Variants in TAFA2 observed in about 807,000 individuals in gnomAD.
The protein encoded by TAFA2 is TAFA chemokine like family member 2.
In TAFA2, 7 loss-of-function variants were observed where a neutral mutation model predicts 18.8. That is an observed-to-expected ratio of 0.37 (90% confidence interval 0.21 to 0.70). TAFA2 has a LOEUF of 0.70. Among genes scored for constraint, TAFA2 ranks in the 30% least tolerant of loss-of-function variants. The pLI is 0.53. For missense variants in TAFA2, 122 were observed against 158.1 expected (o/e 0.77, Z 1.23); for synonymous variants, 60 against 54.2 (o/e 1.11, Z -0.47).
chr12:61,971,455 T>A (rs1879244891), intron 1 of TAFA2, among the ~76,000 whole-genome samples: 1 of 151,452 alleles, frequency 6.6e-6, no homozygotes, highest in Admixed American at 6.6e-5. Context: ...ATCTGCACGT[T>A]GTGCACACGT....
chr12:61,823,090 C>A (rs996559957), intron 2 of TAFA2, among the ~76,000 whole-genome samples: 15 of 152,140 alleles, frequency 9.9e-5, no homozygotes, highest in Non-Finnish European at 1.2e-4. Context: ...TAAAAAATCT[C>A]ATTTAGAAAC....
intron 1 of TAFA2, among the ~76,000 whole-genome samples, chr12:61,948,328 T>C (rs553023948): frequency 2.6e-5 from 4 of 152,308 alleles, no homozygotes; most frequent in East Asian, 1.9e-4. Flanking sequence ...AGGTAGTCCC[T>C]AACATTTGAG....
chr12:61,919,114 G>A (rs749033161), intron 1 of TAFA2, among the ~76,000 whole-genome samples: 7 of 152,128 alleles, frequency 4.6e-5, no homozygotes, highest in African/African-American at 9.7e-5. Context: ...ACAATGTACT[G>A]ATTTCAACTT....
intron 2 of TAFA2, among the ~76,000 whole-genome samples, chr12:61,800,554 T>A (rs1202105838): frequency 6.6e-6 from 1 of 152,158 alleles, no homozygotes; most frequent in Non-Finnish European, 1.5e-5. Context: ...AATCAGGAAG[T>A]GATTTGCTAC....
intron 2 of TAFA2, among the ~76,000 whole-genome samples, chr12:61,843,472 G>A (rs1368547042): frequency 2.0e-5 from 3 of 152,082 alleles, no homozygotes. Context: ...ACTTAGGATA[G>A]TAATCTGTAA....
intron 1 of TAFA2, among the ~76,000 whole-genome samples, chr12:61,915,880 A>G (rs1036235418): frequency 1.3e-5 from 2 of 152,190 alleles, no homozygotes; most frequent in Non-Finnish European, 2.9e-5. Flanking sequence ...TACCAATCCC[A>G]ATTCTAATCT....
intron 1 of TAFA2, among the ~76,000 whole-genome samples, chr12:62,127,596 G>C (rs937244342): frequency 6.6e-6 from 1 of 151,850 alleles, no homozygotes; most frequent in African/African-American, 2.4e-5. Flanking sequence ...GTCATTAATG[G>C]GGGATGGACG....
At chr12:61,973,809 A>C (rs1367916875) in intron 1 of TAFA2, among the ~76,000 whole-genome samples, 1 of 151,742 alleles carries the variant, frequency 6.6e-6, no homozygotes, top group Non-Finnish European at 1.5e-5. Context: ...AAGACTGGTT[A>C]AATTGTAATC....
At chr12:62,199,395 T>C (rs1002139622) in intron 1 of TAFA2, among the ~76,000 whole-genome samples, 3 of 152,112 alleles carry the variant, frequency 2.0e-5, no homozygotes, top group Non-Finnish European at 4.4e-5. Flanking sequence ...GTGTGTGTTG[T>C]TTCCCTCCCT....
chr12:61,818,698 CATG>C (rs1872196880), intron 2 of TAFA2, among the ~76,000 whole-genome samples: 1 of 152,130 alleles, frequency 6.6e-6, no homozygotes, highest in African/African-American at 2.4e-5. Context: ...CAAAGGAACA[CATG>C]ATAGTCTTAA....
At chr12:62,128,028 A>G (rs1367900228) in intron 1 of TAFA2, among the ~76,000 whole-genome samples, 1 of 152,040 alleles carries the variant, frequency 6.6e-6, no homozygotes, top group Non-Finnish European at 1.5e-5. Context: ...AGGCAAGAAA[A>G]AAAATGGGTA....
chr12:62,086,031 G>C (rs1443105719), intron 1 of TAFA2, among the ~76,000 whole-genome samples: 1 of 152,070 alleles, frequency 6.6e-6, no homozygotes, highest in Non-Finnish European at 1.5e-5. Context: ...ATGATTGTAA[G>C]TTTCCTGAGG....
intron 1 of TAFA2, among the ~76,000 whole-genome samples, chr12:62,237,278 C>A (rs371204033): frequency 3.3e-5 from 5 of 152,116 alleles, no homozygotes; most frequent in Non-Finnish European, 7.4e-5. Context: ...GAGGCCGAGG[C>A]GGGCAGATCA....
At chr12:61,874,152 T>A (rs535087737) in intron 1 of TAFA2, among the ~76,000 whole-genome samples, 2 of 152,298 alleles carry the variant, frequency 1.3e-5, no homozygotes, top group East Asian at 3.9e-4. Context: ...ATTGAAGAAC[T>A]AGTATTTACA....
Position 62,008,132 on chromosome 12 carries a change from C to A in TAFA2, c.-1-140706G>T, listed in dbSNP as rs1240439665. ...AACATAAGGTCCTCATAACTCTTTA[C>A]AAAGAAATAAAGTATAAGCAAATCA... is the stretch of plus-strand genomic sequence containing the variant. On this transcript the variant is annotated intron_variant, in intron 1 of 4. Transcript: ENST00000416284. Among the ~76,000 whole-genome samples the A allele has an allele frequency of 2.0e-5, 3 of 152,026 alleles. No homozygotes were observed. In the East Asian group the frequency reaches 5.8e-4, roughly 29 times the overall value.
chr12:62,235,475 C>A, intron 1 of TAFA2: 7 of 609,892 alleles, frequency 1.1e-5, no homozygotes, highest in Admixed American at 7.3e-5. Context: ...GCTCAGCTTC[C>A]CAGCTTCCTG....
At chr12:62,067,550 G>T (rs1277109748) in intron 1 of TAFA2, among the ~76,000 whole-genome samples, 1 of 151,992 alleles carries the variant, frequency 6.6e-6, no homozygotes, top group Non-Finnish European at 1.5e-5. Flanking sequence ...AGTTTTCTCA[G>T]CACCACTTAT....
intron 1 of TAFA2, among the ~76,000 whole-genome samples, chr12:62,243,293 T>C (rs909481402): frequency 5.9e-5 from 9 of 152,358 alleles, no homozygotes; most frequent in Admixed American, 2.0e-4. Flanking sequence ...TTAATACTTA[T>C]GATGCTGAAC....
intron 1 of TAFA2, among the ~76,000 whole-genome samples, chr12:62,248,757 G>A (rs1565788048): frequency 6.6e-6 from 1 of 151,568 alleles, no homozygotes; most frequent in Non-Finnish European, 1.5e-5. Context: ...TTTTAATTGC[G>A]GCAAAATATA....
Sources: gnomAD v4.1 joint callset for allele counts (sites outside exome capture counted in the v4.1 genomes callset) on GRCh38, gnomAD v4.1.1 for gene constraint, MANE v1.5 for transcripts, NCBI Gene and HGNC (gene_info 2026-07-23, HGNC 2026-07-21) for gene names.